FAM185A: variants seen among roughly 807,000 people sequenced by gnomAD.
FAM185A encodes the protein family with sequence similarity 185 member A.
FAM185A carries 21 observed loss-of-function variants against 45.7 expected under a neutral mutation model. The ratio of observed to expected loss-of-function variants is 0.46; its 90% CI spans 0.33 to 0.66. FAM185A has a LOEUF of 0.66. FAM185A is among the 30% of genes least tolerant of loss of function. FAM185A has a pLI of 0.03. For synonymous variants in FAM185A, 117 were observed against 194.0 expected (o/e 0.60, Z 3.30); for missense variants, 305 against 485.4 (o/e 0.63, Z 3.49).
At chr7:102,828,502 C>T in the FAM185A span, among the ~76,000 whole-genome samples, 1 of 152,142 alleles carries the variant, frequency 6.6e-6, no homozygotes, top group East Asian at 1.9e-4. Flanking sequence ...CATGGGGAAT[C>T]CCAGAATTAG....
At chr7:102,822,512 G>A in the FAM185A span, 1 of 515,940 alleles carries the variant, frequency 1.9e-6, no homozygotes, top group Non-Finnish European at 3.7e-6. Context: ...CATCATGGGA[G>A]CTCTACCCTT....
downstream of FAM185A, among the ~76,000 whole-genome samples, chr7:102,810,804 C>T (rs774384949): frequency 1.4e-4 from 21 of 151,208 alleles, no homozygotes; most frequent in Admixed American, 2.6e-4. Context: ...CATCAGGTCT[C>T]GAACTCCTGG....
At chr7:102,811,999 C>T (rs188063067), downstream of FAM185A, among the ~76,000 whole-genome samples, 2 of 152,278 alleles carry the variant, frequency 1.3e-5, no homozygotes, top group African/African-American at 2.4e-5. Context: ...TTCAAAATAA[C>T]GATGCTTTAT....
At chr7:102,832,149 C>T in the FAM185A span, among the ~76,000 whole-genome samples, 2 of 152,252 alleles carry the variant, frequency 1.3e-5, no homozygotes, top group South Asian at 4.1e-4. Flanking sequence ...CTCCCTTAAG[C>T]TTTTATATGT....
chr7:102,810,805 G>A (rs1253684057), downstream of FAM185A, among the ~76,000 whole-genome samples: 1 of 151,898 alleles, frequency 6.6e-6, no homozygotes, highest in African/African-American at 2.4e-5. Flanking sequence ...ATCAGGTCTC[G>A]AACTCCTGGC....
At chr7:102,797,258 A>AGAG (rs1383305826) in intron 7 of FAM185A, among the ~76,000 whole-genome samples, 1 of 152,134 alleles carries the variant, frequency 6.6e-6, no homozygotes, top group Non-Finnish European at 1.5e-5. Context: ...GTCAGGAGAT[A>AGAG]GAGACCATAC....
intron 2 of FAM185A, chr7:102,754,942 T>A (rs1360056512): frequency 6.0e-6 from 1 of 166,070 alleles, no homozygotes; most frequent in Non-Finnish European, 1.3e-5. Context: ...AACTTCACAT[T>A]TTTTGGGGAA....
At chr7:102,798,578 A>G (rs1192620122) in intron 7 of FAM185A, among the ~76,000 whole-genome samples, 1 of 152,160 alleles carries the variant, frequency 6.6e-6, no homozygotes, top group Non-Finnish European at 1.5e-5. Flanking sequence ...GGAGGTGATA[A>G]ATAATATATT....
downstream of FAM185A, among the ~76,000 whole-genome samples, chr7:102,810,989 C>T (rs1456060390): frequency 6.6e-6 from 1 of 152,136 alleles, no homozygotes; most frequent in Non-Finnish European, 1.5e-5. Context: ...TTTTAGTTCA[C>T]CCTTCATGAA....
chr7:102,751,527 T>A (rs3748116), intron 1 of FAM185A, among the ~76,000 whole-genome samples, 165 bp from the exon 2 acceptor site: 119,363 of 151,418 alleles, frequency 0.79, 47,566 homozygotes, highest in Middle Eastern at 0.88. Flanking sequence ...AGGCTATTGT[T>A]TTTGGTCCCG....
At chr7:102,790,981 G>C (rs1796106640) in intron 7 of FAM185A, among the ~76,000 whole-genome samples, 1 of 152,070 alleles carries the variant, frequency 6.6e-6, no homozygotes, top group Non-Finnish European at 1.5e-5. Context: ...AGGCAAACCA[G>C]AGAATACAGT....
chr7:102,850,235 G>C, the FAM185A span, among the ~76,000 whole-genome samples: 2 of 152,112 alleles, frequency 1.3e-5, no homozygotes, highest in East Asian at 3.9e-4. Context: ...AGAGTGAAAA[G>C]AAAAATGTCT....
chr7:102,847,992 C>T, the FAM185A span, among the ~76,000 whole-genome samples: 1 of 152,222 alleles, frequency 6.6e-6, no homozygotes, highest in East Asian at 1.9e-4. Flanking sequence ...AAGGTGTATA[C>T]ATATATTTAA....
chr7:102,826,807 A>C, the FAM185A span, among the ~76,000 whole-genome samples: 1 of 134,554 alleles, frequency 7.4e-6, no homozygotes, highest in Non-Finnish European at 1.6e-5. Flanking sequence ...TATATATCTA[A>C]TAAATGTATC....
chr7:102,750,505 A>C (rs1474362417), intron 1 of FAM185A, among the ~76,000 whole-genome samples: 1 of 152,204 alleles, frequency 6.6e-6, no homozygotes, highest in East Asian at 1.9e-4. Flanking sequence ...GAAAATATTA[A>C]GATATTTTGA....
At chr7:102,789,750 A>G (rs1796039999) in intron 7 of FAM185A, among the ~76,000 whole-genome samples, 1 of 152,274 alleles carries the variant, frequency 6.6e-6, no homozygotes, top group Non-Finnish European at 1.5e-5. Flanking sequence ...ACTCTTTTGT[A>G]ATAATACTTA....
chr7:102,778,076 T>A (rs1001644684), intron 6 of FAM185A, among the ~76,000 whole-genome samples: 1 of 152,218 alleles, frequency 6.6e-6, no homozygotes. Context: ...AAAATTTTTT[T>A]AAATAGTCTA....
chr7:102,812,938 G>T (rs1797528962), downstream of FAM185A, among the ~76,000 whole-genome samples: 4 of 151,398 alleles, frequency 2.6e-5, no homozygotes, highest in South Asian at 8.3e-4. Flanking sequence ...CGCCTCTCAG[G>T]TTCAAGCAAG....
chr7:102,780,431 G>C (rs1306875955), intron 6 of FAM185A, among the ~76,000 whole-genome samples: 1 of 152,228 alleles, frequency 6.6e-6, no homozygotes, highest in African/African-American at 2.4e-5. Flanking sequence ...CAGCCAGGTT[G>C]TATGGAAATA....
Sources: allele counts gnomAD v4.1 joint callset (sites outside exome capture counted in the v4.1 genomes callset), GRCh38; gene constraint gnomAD v4.1.1; transcripts MANE v1.5; gene names NCBI Gene and HGNC (gene_info 2026-07-23, HGNC 2026-07-21).